Variants in OTUD6B observed in about 807,000 individuals in gnomAD.
The protein encoded by OTUD6B is OTU deubiquitinase 6B.
Under a neutral mutation model 36.9 loss-of-function variants are expected in OTUD6B, and 41 were observed. That is an observed-to-expected ratio of 1.11 (90% CI 0.87 to 1.44). The LOEUF is 1.44. Ranked by LOEUF, OTUD6B falls within the 40% of genes most tolerant of loss-of-function variation. OTUD6B has a pLI of 0.00. For missense variants in OTUD6B, 356 were observed against 344.8 expected (o/e 1.03, Z -0.26); for synonymous variants, 114 against 114.2 (o/e 1.00, Z 0.01).
intron 3 of OTUD6B, chr8:91,076,381 GT>G (rs1812803347): frequency 1.2e-6 from 1 of 803,492 alleles, no homozygotes; most frequent in Non-Finnish European, 1.5e-6. Context: ...AAAGAATTCA[GT>G]GGATTTCTTA....
At chr8:91,076,188 CTTCT>C (rs1285299793) in intron 3 of OTUD6B, among the ~76,000 whole-genome samples, 2 of 152,028 alleles carry the variant, frequency 1.3e-5, no homozygotes, top group African/African-American at 4.8e-5. Flanking sequence ...CCCTTTGAAT[CTTCT>C]TTGTTATATT....
rs145703901 is a variant in OTUD6B, at chr8:91,074,926, CT to C, written c.315+1016del. On this transcript the variant is annotated intron_variant, in intron 3 of 6. Transcript: ENST00000404789. ...GGGCAAATTATAGCTACTTCATAAGCTAATTCATTGTGAATATTAAATACTG... is the reference window on the plus strand; with the variant it reads ...GGGCAAATTATAGCTACTTCATAAGCAATTCATTGTGAATATTAAATACTG... 4.1e-3 allele frequency among the ~76,000 whole-genome samples: 627 copies of C among 152,132 alleles called. 4 individuals carry two copies. The highest frequency in any genetic ancestry group is 6.3e-3 in the Non-Finnish European group (426 of 67,910).
Position 91,086,203 on chromosome 8 carries a change from T to G in OTUD6B, c.*1335T>G, listed in dbSNP as rs1458616399. ...GTAAGATTTAGTATCGTTTATAACA[T>G]TTGAATTTTTGCTCCATGAGTACAA... On this transcript the variant is annotated 3_prime_UTR_variant, in exon 7 of 7. Transcript: ENST00000404789. 1 of 152,080 alleles carries G rather than the reference T, an allele frequency of 6.6e-6. No homozygotes were observed. Among genetic ancestry groups the G allele is most frequent in the Non-Finnish European group, 1.5e-5 (1 of 67,984 alleles). 9.4% of individuals were successfully genotyped at this position (152,080 alleles called of 1,614,324 possible).
intron 2 of OTUD6B, among the ~76,000 whole-genome samples, chr8:91,072,344 C>G (rs942922667): frequency 6.6e-6 from 1 of 152,186 alleles, no homozygotes; most frequent in Non-Finnish European, 1.5e-5. Context: ...TGAGAACTAT[C>G]TTACTCCAGG....
intron 3 of OTUD6B, chr8:91,076,561 C>A: frequency 6.5e-7 from 1 of 1,527,958 alleles, no homozygotes; most frequent in Middle Eastern, 1.7e-4. Context: ...AACTCCAGCT[C>A]CCATCTGCTC....
intron 3 of OTUD6B, chr8:91,076,574 A>C: frequency 6.5e-7 from 1 of 1,529,254 alleles, no homozygotes; most frequent in East Asian, 2.5e-5. Context: ...ATCTGCTCCA[A>C]CTTTTATTCT....
chr8:91,080,548 A>G (rs911700630), intron 4 of OTUD6B, 121 bp from the exon 5 acceptor site: 1 of 1,460,114 alleles, frequency 6.8e-7, no homozygotes, highest in South Asian at 1.4e-5. Context: ...GGATAATGGT[A>G]GAGAAGGAGA....
chr8:91,076,656 G>A, intron 3 of OTUD6B: 1 of 1,508,022 alleles, frequency 6.6e-7, no homozygotes, highest in Non-Finnish European at 8.9e-7. Flanking sequence ...CCAGCTGTAT[G>A]GCCTTTGGAA....
At position 91,085,096 on chromosome 8, in the gene OTUD6B, C is replaced by T; in HGVS notation, c.*228C>T. On this transcript the variant is annotated 3_prime_UTR_variant, in exon 7 of 7. Transcript: ENST00000404789. ...TAAGTTCATTGTAGAGAACACCATT[C>T]ATAGACCAAGATGGTCCCCTATTAG... The T allele has an allele frequency of 3.8e-6, 1 of 265,946 alleles. No homozygotes were observed. Among genetic ancestry groups the T allele is most frequent in the African/African-American group, 2.2e-5 (1 of 45,086 alleles). 16.5% of individuals were successfully genotyped at this position (265,946 alleles called of 1,614,324 possible).
In OTUD6B at chr8:91,084,767, T is replaced by C; in HGVS notation, c.798-17T>C. 6.7e-7 allele frequency: 1 copy of C among 1,499,258 alleles called. No individual in the cohort carries two copies. The highest frequency in any genetic ancestry group is 1.3e-5 in the South Asian group (1 of 76,240). The allele number at this position is 1,499,258 out of a possible 1,614,324, so 92.9% of individuals were successfully genotyped here. A position where few individuals can be genotyped will look rare whatever the true frequency, so the allele number is the denominator to read the frequency against. On this transcript the variant is annotated splice_polypyrimidine_tract_variant and intron_variant, in intron 6 of 6. Transcript: ENST00000404789. ...CTTTCATCAAAACTACTCATTTCTT[T>C]TTTTTTTTAATTTCAGATATATGAG...
chr8:91,080,774 T>C, intron 5 of OTUD6B, 44 bp downstream of exon 5: 1 of 1,391,770 alleles, frequency 7.2e-7, no homozygotes, highest in Non-Finnish European at 1.0e-6. Context: ...TGTTAAATTA[T>C]TTCTAAATCC....
At chr8:91,070,936 TTTG>T (rs961971731) in intron 1 of OTUD6B, 199 bp from the exon 2 acceptor site, 1 of 594,010 alleles carries the variant, frequency 1.7e-6, no homozygotes, top group African/African-American at 2.0e-5. Context: ...TATTCAAGAT[TTTG>T]TTAATGAAGT....
In OTUD6B at chr8:91,084,910, G is replaced by T; in HGVS notation, c.*42G>T. The T allele has an allele frequency of 1.0e-6, 1 of 974,660 alleles. No homozygotes were observed. The highest frequency in any genetic ancestry group is 1.8e-5 in the South Asian group (1 of 56,304). The allele number at this position is 974,660 out of a possible 1,614,324, so 60.4% of individuals were successfully genotyped here. A position where few individuals can be genotyped will look rare whatever the true frequency, so the allele number is the denominator to read the frequency against. ...CAATTATGTTTTAATACAGTGTGCT[G>T]AACTGAGTATTTCTACCAAGTGTTG... On this transcript the variant is annotated 3_prime_UTR_variant, in exon 7 of 7. Coordinates refer to ENST00000404789, the MANE Select transcript of OTUD6B (RefSeq NM_016023.5).
intron 3 of OTUD6B, chr8:91,076,707 G>A (rs1306025134): frequency 1.7e-6 from 2 of 1,195,640 alleles, no homozygotes; most frequent in Admixed American, 2.0e-5. Context: ...GAAAATGAGG[G>A]GTTTTGGATT....
In OTUD6B at chr8:91,087,088, A is replaced by C. The variant is rs991432634; in HGVS notation, c.*2220A>C. On this transcript the variant is annotated 3_prime_UTR_variant, in exon 7 of 7. Transcript: ENST00000404789. ...AAAAGAATAAAAAATGAATGAATTAAATCAACATTTATTTGCTTGAATTGT... is the reference window on the plus strand; with the variant it reads ...AAAAGAATAAAAAATGAATGAATTACATCAACATTTATTTGCTTGAATTGT... 6.6e-6 allele frequency: 1 copy of C among 152,130 alleles called. No homozygotes were observed. Among genetic ancestry groups the C allele is most frequent in the African/African-American group, 2.4e-5 (1 of 41,460 alleles). The allele number at this position is 152,130 out of a possible 1,614,324, so 9.4% of individuals were successfully genotyped here.
intron 4 of OTUD6B, among the ~76,000 whole-genome samples, chr8:91,079,735 C>T (rs1812864673): frequency 6.6e-6 from 1 of 152,098 alleles, no homozygotes; most frequent in African/African-American, 2.4e-5. Context: ...ATTACTGAAT[C>T]ATTGAAACTC....
At chr8:91,078,259 C>A in intron 3 of OTUD6B, 97 bp from the exon 4 acceptor site, 1 of 1,448,972 alleles carries the variant, frequency 6.9e-7, no homozygotes, top group South Asian at 1.5e-5. Flanking sequence ...GAATAAACAC[C>A]GGAAAGTTTT....
chr8:91,071,358 A>T lies in OTUD6B; in HGVS notation c.234+69A>T, dbSNP rs936492857. The T allele has an allele frequency of 4.7e-6, 6 of 1,279,268 alleles. No homozygotes were observed. In the African/African-American group the frequency reaches 8.2e-5, roughly 18 times the overall value. The allele number at this position is 1,279,268 out of a possible 1,614,324, so 79.2% of individuals were successfully genotyped here. On this transcript the variant is annotated intron_variant, in intron 2 of 6. Transcript: ENST00000404789. ...CAGCTGTCCACTTCTGTTAAATGTT[A>T]AACTGCTTTTTTTTTTTTTTTTGAG...
chr8:91,081,498 T>C (rs964672017), intron 5 of OTUD6B, among the ~76,000 whole-genome samples: 5 of 151,680 alleles, frequency 3.3e-5, no homozygotes, highest in Non-Finnish European at 5.9e-5. Context: ...CCCCTCTGTT[T>C]TGTGGCCACA....
Sources: gnomAD v4.1 joint callset for allele counts (sites outside exome capture counted in the v4.1 genomes callset) on GRCh38, gnomAD v4.1.1 for gene constraint, MANE v1.5 for transcripts, NCBI Gene and HGNC (gene_info 2026-07-23, HGNC 2026-07-21) for gene names.